The following DNAJC5 variants were observed in gnomAD, a reference collection of about 807,000 sequenced individuals.
DNAJC5 encodes the protein dnaJ homolog subfamily C member 5.
Under a neutral mutation model 23.2 loss-of-function variants are expected in DNAJC5, and 1 was observed. That is an observed-to-expected ratio of 0.04 (90% confidence interval 0.02 to 0.20). DNAJC5 has a LOEUF of 0.20. Ranked by LOEUF, DNAJC5 falls within the 10% of genes least tolerant of loss-of-function variation. The pLI, the probability that DNAJC5 is intolerant of heterozygous loss-of-function variation, is 1.00. For missense variants in DNAJC5, 180 were observed against 267.0 expected (o/e 0.67, Z 2.27); for synonymous variants, 136 against 120.0 (o/e 1.13, Z -0.87).
rs115314888 is a variant in DNAJC5 at position 63,929,248 on chromosome 20, C to T, written c.108-64C>T. ...CGGCAGTGCGTGCGGGTGGGATGGA[C>T]GCGGCGGCGGGTGCGGGTGGAACAA... On this transcript the variant is annotated intron_variant, in intron 2 of 4. Coordinates refer to ENST00000360864, the MANE Select transcript of DNAJC5 (RefSeq NM_025219.3). This position sits in a 1 kb window ranked among gnomAD's most constrained non-coding sequence, Gnocchi z 8.6. 3.0e-3 allele frequency: 4,626 copies of T among 1,552,096 alleles called. 28 individuals are homozygous for T. Among genetic ancestry groups the T allele is most frequent in the African/African-American group, 0.025 (1,837 of 73,122 alleles).
At chr20:63,906,440 A>G (rs1476169791) in intron 1 of DNAJC5, among the ~76,000 whole-genome samples, 2 of 152,102 alleles carry the variant, frequency 1.3e-5, no homozygotes, top group East Asian at 3.9e-4. Context: ...CAGTGAGCCG[A>G]CATTGCTCCA....
At chr20:63,921,767 C>G (rs2053575133) in intron 1 of DNAJC5, among the ~76,000 whole-genome samples, 1 of 152,006 alleles carries the variant, frequency 6.6e-6, no homozygotes, top group Non-Finnish European at 1.5e-5. Flanking sequence ...TTTCTGTTGA[C>G]ATGGGATCCC....
Position 63,929,401 on chromosome 20 carries a change from T to C in DNAJC5, c.197T>C (p.Ile66Thr). The C allele has an allele frequency of 6.2e-7, 1 of 1,614,128 alleles. No homozygotes were observed. Among genetic ancestry groups the C allele is most frequent in the Non-Finnish European group, 8.5e-7 (1 of 1,180,032 alleles). The stretch of plus-strand genomic sequence containing the variant: ...AAGGAGATCAACAACGCGCACGCCA[T>C]CCTCACGGACGCCACAAAAAGGAAC... ...KFKEINNAHAILTDATKRNIY... is the reference protein window; with the variant it reads ...KFKEINNAHATLTDATKRNIY... The change falls in exon 3 of 5, where the codon ATC becomes ACC. Residue 66 changes from isoleucine (I) to threonine (T), a missense_variant. By Grantham distance (89) the Ile-to-Thr change is moderately conservative. Around this residue, in one of 3 missense-constraint regions of DNAJC5, gnomAD observed 77 missense variants for 106.8 expected, o/e 0.72. Transcript: ENST00000360864. The surrounding 1 kb of genome is among the most constrained non-coding windows in gnomAD (Gnocchi z 8.6).
chr20:63,914,048 G>GGA (rs1475991092), intron 1 of DNAJC5, among the ~76,000 whole-genome samples: 1 of 152,134 alleles, frequency 6.6e-6, no homozygotes, highest in African/African-American at 2.4e-5. Context: ...AGGAGGCTGG[G>GGA]GAGAGAGCGA....
intron 1 of DNAJC5, among the ~76,000 whole-genome samples, chr20:63,922,071 T>C (rs2053578032): frequency 6.6e-6 from 1 of 151,478 alleles, no homozygotes; most frequent in Admixed American, 6.6e-5. Context: ...GAGCCACCAC[T>C]CCCGGCCCCC....
chr20:63,896,800 A>T lies in DNAJC5; in HGVS notation c.-12+1477A>T, dbSNP rs375161852. Among the ~76,000 whole-genome samples the T allele has an allele frequency of 5.9e-5, 9 of 152,338 alleles. No homozygotes were observed. The East Asian group carries it at 1.5e-3, about 26-fold the overall frequency. ...GGAGAGAATGTTTTGTGAAAAAAAC[A>T]GTTGCTGGCACATGATCGGGGCCCA... On this transcript the variant is annotated intron_variant, in intron 1 of 4. Coordinates refer to ENST00000360864, the MANE Select transcript of DNAJC5 (RefSeq NM_025219.3).
chr20:63,934,063 A>C lies in DNAJC5; in HGVS notation c.*2495A>C, dbSNP rs2053696711. The C allele has an allele frequency of 6.6e-6, 1 of 152,276 alleles. No homozygotes were observed. 9.4% of individuals were successfully genotyped at this position (152,276 alleles called of 1,614,324 possible). On this transcript the variant is annotated 3_prime_UTR_variant, in exon 5 of 5. Coordinates refer to ENST00000360864, the MANE Select transcript of DNAJC5 (RefSeq NM_025219.3). ...GGCCATTCTCACGGTGGTGATTGTG[A>C]TTAGACGACCCCCGGGAAGCCCAGA...
rs552021747 is a variant in DNAJC5 at position 63,895,545 on chromosome 20, G to A, written c.-12+222G>A. Among the ~76,000 whole-genome samples, 557 of 150,102 alleles carry A rather than the reference G, an allele frequency of 3.7e-3. 3 individuals are homozygous for A. The highest frequency in any genetic ancestry group is 0.013 in the African/African-American group (529 of 41,260). ...GTCGGCGCCGGGGCCTGCGGGAGCC[G>A]GGCCGGGCCGGGCCGGGGGTCTGAG... On this transcript the variant is annotated intron_variant, in intron 1 of 4. Transcript: ENST00000360864.
chr20:63,912,158 C>A (rs2053486393), intron 1 of DNAJC5, among the ~76,000 whole-genome samples: 15 of 152,098 alleles, frequency 9.9e-5, no homozygotes. Context: ...CAAAAATTAT[C>A]TGGGCATGGC....
Position 63,914,868 on chromosome 20 carries a change from G to A in DNAJC5, c.-11-13467G>A, listed in dbSNP as rs552259713. On this transcript the variant is annotated intron_variant, in intron 1 of 4. Transcript: ENST00000360864. ...TGACCTCAGGTGATCTGCCCTCCTC[G>A]GCCTACCAAAATGTTGGGATTACAG... Among the ~76,000 whole-genome samples the A allele has an allele frequency of 1.2e-4, 19 of 152,166 alleles. No individual in the cohort carries two copies. The South Asian group carries it at 2.9e-3, about 23-fold the overall frequency.
intron 1 of DNAJC5, among the ~76,000 whole-genome samples, chr20:63,906,357 GCAGGCACCTGTAATTC>G (rs1287178927): frequency 6.6e-6 from 1 of 152,072 alleles, no homozygotes; most frequent in Non-Finnish European, 1.5e-5. Flanking sequence ...CAGGTGTGGT[GCAGGCACCTGTAATTC>G]CAGCTACTCA....
intron 1 of DNAJC5, among the ~76,000 whole-genome samples, chr20:63,904,450 C>G (rs1008305767): frequency 2.0e-5 from 3 of 152,140 alleles, no homozygotes; most frequent in Non-Finnish European, 4.4e-5. Context: ...CTGCTTAATT[C>G]ACATTTATGA....
intron 1 of DNAJC5, among the ~76,000 whole-genome samples, chr20:63,905,339 C>A (rs1392510001): frequency 1.3e-5 from 2 of 152,070 alleles, no homozygotes; most frequent in Non-Finnish European, 1.5e-5. Context: ...CGATCTCGAC[C>A]TCCTGACCTC....
intron 1 of DNAJC5, among the ~76,000 whole-genome samples, chr20:63,924,086 T>C (rs188350867): frequency 2.0e-5 from 3 of 152,220 alleles, no homozygotes; most frequent in Non-Finnish European, 4.4e-5. Flanking sequence ...ACTGTAGATA[T>C]ATAGTATATG....
chr20:63,909,340 T>TA (rs1184454120), intron 1 of DNAJC5, among the ~76,000 whole-genome samples: 271 of 141,930 alleles, frequency 1.9e-3, no homozygotes, highest in Non-Finnish European at 2.4e-3. Context: ...CTACTAAAAA[T>TA]AAAAAAAAAA....
chr20:63,931,163 G>T lies in DNAJC5; in HGVS notation c.493+141G>T, dbSNP rs556655231. 6 of 952,638 alleles carry T rather than the reference G, an allele frequency of 6.3e-6. No homozygotes were observed. In the South Asian group the frequency reaches 8.3e-5, roughly 13 times the overall value. The allele number at this position is 952,638 out of a possible 1,614,324, so 59.0% of individuals were successfully genotyped here. A position where few individuals can be genotyped will look rare whatever the true frequency, so the allele number is the denominator to read the frequency against. ...TGTGGTGGCAGCTGGGACTGTTGAG[G>T]TGTGAACGTGGACCCTGAGGTAAAG... is the stretch of plus-strand genomic sequence containing the variant. On this transcript the variant is annotated intron_variant, in intron 4 of 4. Coordinates refer to ENST00000360864, the MANE Select transcript of DNAJC5 (RefSeq NM_025219.3). The surrounding 1 kb of genome is among the most constrained non-coding windows in gnomAD (Gnocchi z 9.6).
chr20:63,928,795 A>G lies in DNAJC5; in HGVS notation c.107+343A>G, dbSNP rs1014996625. On this transcript the variant is annotated intron_variant, in intron 2 of 4. Coordinates refer to ENST00000360864, the MANE Select transcript of DNAJC5 (RefSeq NM_025219.3). This position sits in a 1 kb window ranked among gnomAD's most constrained non-coding sequence, Gnocchi z 4.6. ...CTCCTTGTTTTAGCACAGTGATGACAGAGACCCCTCACTCTGTTGTGGCCT... is the reference window on the plus strand; with the variant it reads ...CTCCTTGTTTTAGCACAGTGATGACGGAGACCCCTCACTCTGTTGTGGCCT... Among the ~76,000 whole-genome samples the G allele has an allele frequency of 3.3e-5, 5 of 152,180 alleles. No homozygotes were observed. The highest frequency in any genetic ancestry group is 2.6e-4 in the Admixed American group (4 of 15,272).
At chr20:63,913,542 G>A (rs778440664) in intron 1 of DNAJC5, among the ~76,000 whole-genome samples, 3 of 151,154 alleles carry the variant, frequency 2.0e-5, no homozygotes, top group South Asian at 2.1e-4. Context: ...GACTATAGGC[G>A]TGCACTACCA....
In DNAJC5 at chr20:63,931,242, A is replaced by T; in HGVS notation, c.493+220A>T. The T allele has an allele frequency of 1.3e-6, 1 of 787,034 alleles. No homozygotes were observed. The highest frequency in any genetic ancestry group is 2.2e-6 in the Non-Finnish European group (1 of 464,682). 48.8% of individuals were successfully genotyped at this position (787,034 alleles called of 1,614,324 possible). On this transcript the variant is annotated intron_variant, in intron 4 of 4. Coordinates refer to ENST00000360864, the MANE Select transcript of DNAJC5 (RefSeq NM_025219.3). The surrounding 1 kb of genome is among the most constrained non-coding windows in gnomAD (Gnocchi z 9.6). ...CCTGCGGTAGCCGTAGATCCCAGGG[A>T]CTGCGAGGCGGGGCAGGGCGGCAGG...
Sources: gnomAD v4.1 joint callset for allele counts (sites outside exome capture counted in the v4.1 genomes callset) on GRCh38, gnomAD v4.1.1 for gene constraint, gnomAD v4.1.1 regional missense constraint, Gnocchi (gnomAD v3.1) non-coding constraint, MANE v1.5 for transcripts, NCBI Gene and HGNC (gene_info 2026-07-23, HGNC 2026-07-21) for gene names.